SCPEP1: variants seen among roughly 807,000 people sequenced by gnomAD.
SCPEP1 encodes serine carboxypeptidase 1.
In SCPEP1, 51 loss-of-function variants were observed where a neutral mutation model predicts 63.8. That is an observed-to-expected ratio of 0.80 (90% confidence interval 0.64 to 1.01). SCPEP1 has a LOEUF of 1.01. Ranked by LOEUF, SCPEP1 falls within the 50% of genes least tolerant of loss-of-function variation. SCPEP1 has a pLI of 0.00. For synonymous variants in SCPEP1, 204 were observed against 207.8 expected (o/e 0.98, Z 0.16); for missense variants, 499 against 554.9 (o/e 0.90, Z 1.01).
chr17:56,981,007 C>A, intron 1 of SCPEP1, 75 bp from the exon 2 acceptor site: 1 of 1,513,732 alleles, frequency 6.6e-7, no homozygotes. Context: ...CCTAGCATGG[C>A]TGTCTCTACC....
intron 9 of SCPEP1, 191 bp from the exon 10 acceptor site, chr17:56,998,194 C>T (rs1911627249): frequency 2.1e-6 from 1 of 471,694 alleles, no homozygotes; most frequent in Non-Finnish European, 3.9e-6. Flanking sequence ...GCCTGTAGTT[C>T]CAGCTACTCG....
At chr17:56,985,234 C>A (rs76289223) in intron 2 of SCPEP1, 144 bp from the exon 3 acceptor site, 45 of 658,334 alleles carry the variant, frequency 6.8e-5, no homozygotes, top group African/African-American at 6.5e-4. Flanking sequence ...TGTGGAAGTC[C>A]CTGGTTCACT....
chr17:56,991,255 A>C lies in SCPEP1; in HGVS notation c.619+84A>C. The C allele has an allele frequency of 2.9e-6, 3 of 1,019,644 alleles. No individual in the cohort carries two copies. In the South Asian group the frequency reaches 3.8e-5, roughly 13 times the overall value. 63.2% of individuals were successfully genotyped at this position (1,019,644 alleles called of 1,614,324 possible). A position where few individuals can be genotyped will look rare whatever the true frequency, so the allele number is the denominator to read the frequency against. Reference sequence around the variant, plus strand: ...CTTTGGGCTGTGTTGTCCAGATCAAAGAGCTAAGCAGGAGAATGTTCTGGG... The same window carrying C: ...CTTTGGGCTGTGTTGTCCAGATCAACGAGCTAAGCAGGAGAATGTTCTGGG... On this transcript the variant is annotated intron_variant, in intron 6 of 12. Coordinates refer to ENST00000262288, the MANE Select transcript of SCPEP1 (RefSeq NM_021626.3).
In SCPEP1 at chr17:57,000,997, G is replaced by A. The variant is rs775171821; in HGVS notation, c.1132+5G>A. On this transcript the variant is annotated splice_donor_5th_base_variant and intron_variant, in intron 11 of 12. Transcript: ENST00000262288. Reference sequence around the variant, plus strand: ...ATCTCATCGTAGATACCATGGGTAGGAATTGACTCTGAGAGGCACCTAGAG... The same window carrying A: ...ATCTCATCGTAGATACCATGGGTAGAAATTGACTCTGAGAGGCACCTAGAG... 9 of 1,614,184 alleles carry A rather than the reference G, an allele frequency of 5.6e-6. 1 individual carries two copies. Among genetic ancestry groups the A allele is most frequent in the Middle Eastern group, 1.6e-4 (1 of 6,062 alleles).
intron 1 of SCPEP1, among the ~76,000 whole-genome samples, chr17:56,979,849 A>G (rs1400894849): frequency 1.3e-5 from 2 of 152,100 alleles, no homozygotes; most frequent in Non-Finnish European, 2.9e-5. Context: ...TCTTTTGTAC[A>G]GTCTCTGGGG....
At chr17:56,988,398 C>T in intron 5 of SCPEP1, 108 bp downstream of exon 5, 1 of 754,452 alleles carries the variant, frequency 1.3e-6, no homozygotes, top group Non-Finnish European at 2.1e-6. Flanking sequence ...CATGTACATG[C>T]AGAGTACGAT....
In SCPEP1 at chr17:57,006,218, G is replaced by A. The variant is rs770958486; in HGVS notation, c.1342G>A (p.Val448Met). Residue 448 changes from valine (V) to methionine (M), a missense_variant, in exon 13 of 13, where the codon GTG becomes ATG. Val to Met is a conservative substitution (Grantham distance 21). Coordinates refer to ENST00000262288, the MANE Select transcript of SCPEP1 (RefSeq NM_021626.3). The stretch of plus-strand genomic sequence containing the variant: ...CATGGCTCTGAAGATGATGAGACTG[G>A]TGACTCAGCAAGAATAGGATGGATG... ...GDMALKMMRL[V>M]TQQE 1.9e-5 allele frequency: 30 copies of A among 1,611,572 alleles called. No homozygotes were observed. Among genetic ancestry groups the A allele is most frequent in the Non-Finnish European group, 2.5e-5 (30 of 1,179,026 alleles).
Position 56,995,462 on chromosome 17 carries a change from G to A in SCPEP1, c.658-45G>A, listed in dbSNP as rs111276897. 213 of 1,594,486 alleles carry A rather than the reference G, an allele frequency of 1.3e-4. No individual in the cohort carries two copies. In the African/African-American group the frequency reaches 1.9e-3, roughly 15 times the overall value. The stretch of plus-strand genomic sequence containing the variant: ...CTAACTGCAGCAATACCAGATTGAC[G>A]TTCCCAAGTAAAGTGGGTCTTTTTG... On this transcript the variant is annotated intron_variant, in intron 7 of 12. Coordinates refer to ENST00000262288, the MANE Select transcript of SCPEP1 (RefSeq NM_021626.3).
intron 3 of SCPEP1, 128 bp from the exon 4 acceptor site, chr17:56,987,566 AC>A: frequency 2.6e-6 from 2 of 761,876 alleles, no homozygotes; most frequent in Non-Finnish European, 3.9e-6. Flanking sequence ...TCTTTTAGCA[AC>A]AGGGATATCA....
chr17:56,979,010 T>G (rs563941718), intron 1 of SCPEP1, among the ~76,000 whole-genome samples: 1 of 152,324 alleles, frequency 6.6e-6, no homozygotes, highest in East Asian at 1.9e-4. Flanking sequence ...GCCTTATCTG[T>G]CATTCTCAAG....
intron 10 of SCPEP1, among the ~76,000 whole-genome samples, chr17:57,000,293 T>C (rs1001216679): frequency 4.6e-5 from 7 of 152,236 alleles, no homozygotes; most frequent in Admixed American, 3.3e-4. Flanking sequence ...GCCACTCTTA[T>C]TGCTGTCATT....
chr17:56,997,817 T>A (rs923942283), intron 9 of SCPEP1, among the ~76,000 whole-genome samples: 1 of 151,708 alleles, frequency 6.6e-6, no homozygotes, highest in African/African-American at 2.4e-5. Context: ...AGAGTGCCAT[T>A]GAATTTGAGA....
chr17:56,986,969 C>T (rs1204220850), intron 3 of SCPEP1: 1 of 152,360 alleles, frequency 6.6e-6, no homozygotes, highest in East Asian at 1.9e-4. Context: ...GTTGTAGAGT[C>T]ATCCCCTACC....
Position 56,990,388 on chromosome 17 carries a change from T to G in SCPEP1, c.547-711T>G, listed in dbSNP as rs138152534. Among the ~76,000 whole-genome samples the G allele has an allele frequency of 1.4e-3, 215 of 152,328 alleles. 3 individuals are homozygous for G. Among genetic ancestry groups the G allele is most frequent in the African/African-American group, 4.9e-3 (203 of 41,584 alleles). On this transcript the variant is annotated intron_variant, in intron 5 of 12. Transcript: ENST00000262288. ...TTAAAAAACTTATAGAAACAGCATATGTACATTATAGAATATTGGAAACTG... is the reference window on the plus strand; with the variant it reads ...TTAAAAAACTTATAGAAACAGCATAGGTACATTATAGAATATTGGAAACTG...
At chr17:57,001,966 C>T (rs542126947) in intron 11 of SCPEP1, 52 bp from the exon 12 acceptor site, 7 of 1,560,722 alleles carry the variant, frequency 4.5e-6, no homozygotes, top group Admixed American at 4.2e-5. Flanking sequence ...GACTTTTTTC[C>T]TATTCTATCC....
intron 6 of SCPEP1, among the ~76,000 whole-genome samples, chr17:56,992,264 G>C (rs1467475414): frequency 6.6e-6 from 1 of 152,170 alleles, no homozygotes; most frequent in South Asian, 2.1e-4. Flanking sequence ...ACTTGGAATA[G>C]TATTTCTTGC....
intron 6 of SCPEP1, among the ~76,000 whole-genome samples, chr17:56,994,685 T>C (rs4793837): frequency 0.8 from 121,056 of 152,170 alleles, 48,907 homozygotes; most frequent in Admixed American, 0.87. Context: ...ACAGCCTGCC[T>C]GTGGGGATGC....
Position 56,985,420 on chromosome 17 carries a change from G to A in SCPEP1, c.268G>A (p.Glu90Lys). The change falls in exon 3 of 13, where the codon GAA (glutamate) becomes AAA (lysine). Residue 90 changes from glutamate (E) to lysine (K), a missense_variant. Physicochemically the swap from Glu to Lys is moderately conservative, Grantham distance 56. Coordinates refer to ENST00000262288, the MANE Select transcript of SCPEP1 (RefSeq NM_021626.3). ...TAGCACTGGATTTGGAAACTTTGAG[G>A]AAATTGGGCCCCTTGACAGTGATCT... ...GSSTGFGNFEEIGPLDSDLKP... is the reference protein window; with the variant it reads ...GSSTGFGNFEKIGPLDSDLKP... 6.2e-7 allele frequency: 1 copy of A among 1,614,182 alleles called. No individual in the cohort carries two copies. The highest frequency in any genetic ancestry group is 8.5e-7 in the Non-Finnish European group (1 of 1,180,034).
At chr17:56,995,688 A>T (rs1911528510) in intron 8 of SCPEP1, 53 bp downstream of exon 8, 1 of 1,577,436 alleles carries the variant, frequency 6.3e-7, no homozygotes, top group Admixed American at 1.8e-5. Context: ...TCTGGTGGGT[A>T]CAGGGCCCAT....
Sources: allele counts gnomAD v4.1 joint callset (sites outside exome capture counted in the v4.1 genomes callset), GRCh38; gene constraint gnomAD v4.1.1; transcripts MANE v1.5; gene names NCBI Gene and HGNC (gene_info 2026-07-23, HGNC 2026-07-21).